SPPL2A: variants seen among roughly 807,000 people sequenced by gnomAD.
The protein encoded by SPPL2A is signal peptide peptidase like 2A, also known as signal peptide peptidase-like 2A.
SPPL2A carries 51 observed loss-of-function variants against 63.8 expected under a neutral mutation model. That is an observed-to-expected ratio of 0.80 (90% confidence interval 0.64 to 1.01). SPPL2A has a LOEUF of 1.01. Among genes scored for constraint, SPPL2A ranks in the 50% least tolerant of loss-of-function variants. SPPL2A has a pLI of 0.00. For synonymous variants in SPPL2A, 188 were observed against 205.8 expected (o/e 0.91, Z 0.74); for missense variants, 553 against 622.7 (o/e 0.89, Z 1.19).
intron 5 of SPPL2A, among the ~76,000 whole-genome samples, chr15:50,746,299 A>G (rs1293568628): frequency 1.3e-5 from 2 of 151,590 alleles, no homozygotes; most frequent in Non-Finnish European, 2.9e-5. Flanking sequence ...TTAGCTGGGC[A>G]TGGTGGTGCG....
chr15:50,712,979 C>T (rs535584759), intron 14 of SPPL2A, among the ~76,000 whole-genome samples: 2 of 152,118 alleles, frequency 1.3e-5, no homozygotes, highest in Admixed American at 6.5e-5. Context: ...CCATCATGTC[C>T]GGCCCCACTA....
At chr15:50,712,653 C>T (rs1219233649) in intron 14 of SPPL2A, among the ~76,000 whole-genome samples, 1 of 146,922 alleles carries the variant, frequency 6.8e-6, no homozygotes, top group Non-Finnish European at 1.5e-5. Flanking sequence ...CCTTCCTTTC[C>T]TCCCTTCCTC....
At chr15:50,738,061 G>A (rs1434061290) in intron 6 of SPPL2A, among the ~76,000 whole-genome samples, 2 of 152,300 alleles carry the variant, frequency 1.3e-5, no homozygotes, top group South Asian at 2.1e-4. Flanking sequence ...GGATGTGCCT[G>A]TAGTCCCAGC....
intron 1 of SPPL2A, among the ~76,000 whole-genome samples, chr15:50,752,960 G>C (rs2062922780): frequency 6.6e-6 from 1 of 151,974 alleles, no homozygotes; most frequent in African/African-American, 2.4e-5. Flanking sequence ...ATCAAAAATT[G>C]TAATACATAG....
rs190289524 is a variant in SPPL2A, at chr15:50,725,191, T to G, written c.1249+30A>C. The G allele has an allele frequency of 3.4e-5, 43 of 1,263,128 alleles. No homozygotes were observed. The East Asian group carries it at 9.9e-4, about 29-fold the overall frequency. 78.2% of individuals were successfully genotyped at this position (1,263,128 alleles called of 1,614,324 possible). On this transcript the variant is annotated intron_variant, in intron 12 of 14. Coordinates refer to ENST00000261854, the MANE Select transcript of SPPL2A (RefSeq NM_032802.4). ...CGATTTAAAATCATCAGTGTTTTTT[T>G]TTTTAACTAAAATTGTTACAATTGC...
chr15:50,709,618 T>G (rs915738667), intron 14 of SPPL2A, among the ~76,000 whole-genome samples: 1 of 151,906 alleles, frequency 6.6e-6, no homozygotes, highest in Non-Finnish European at 1.5e-5. Context: ...GGTGAAACCC[T>G]GTCTCTACTA....
At chr15:50,720,135 A>T (rs1293615402) in intron 13 of SPPL2A, 35 bp from the exon 14 acceptor site, 1 of 1,556,106 alleles carries the variant, frequency 6.4e-7, no homozygotes. Context: ...AGTCATTTCT[A>T]CATGTTACCA....
chr15:50,741,571 G>A (rs1330205620), intron 5 of SPPL2A, among the ~76,000 whole-genome samples: 1 of 151,628 alleles, frequency 6.6e-6, no homozygotes, highest in East Asian at 1.9e-4. Context: ...GTATACATAT[G>A]AGCCATAATA....
At position 50,727,010 on chromosome 15, in the gene SPPL2A, C is replaced by T. The variant is rs557105154; in HGVS notation, c.1090-633G>A. ...CAAAACATTAACCTTAGCTAAATTT[C>T]CCTCCCTTGTGCCTGGATAAAGTCT... On this transcript the variant is annotated intron_variant, in intron 10 of 14. Coordinates refer to ENST00000261854, the MANE Select transcript of SPPL2A (RefSeq NM_032802.4). 6.6e-5 allele frequency among the ~76,000 whole-genome samples: 10 copies of T among 152,276 alleles called. No individual in the cohort carries two copies. In the East Asian group the frequency reaches 1.3e-3, roughly 21 times the overall value.
At chr15:50,751,987 C>T (rs1489401228) in intron 1 of SPPL2A, among the ~76,000 whole-genome samples, 2 of 151,984 alleles carry the variant, frequency 1.3e-5, no homozygotes, top group Non-Finnish European at 2.9e-5. Context: ...CCTGCCACCA[C>T]GCACAGCTAA....
At chr15:50,740,874 C>T (rs528076928) in intron 5 of SPPL2A, among the ~76,000 whole-genome samples, 1 of 152,258 alleles carries the variant, frequency 6.6e-6, no homozygotes, top group Non-Finnish European at 1.5e-5. Flanking sequence ...TCCCAAAATG[C>T]TGGGATTACA....
intron 1 of SPPL2A, 77 bp downstream of exon 1, chr15:50,765,391 T>C (rs2063050348): frequency 8.6e-7 from 1 of 1,158,836 alleles, no homozygotes; most frequent in East Asian, 3.1e-5. Context: ...GGGCGAGGAG[T>C]AGGGGAAGGG....
Position 50,702,788 on chromosome 15 carries a change from T to A in SPPL2A, c.*5012A>T, listed in dbSNP as rs1351527045. ...TATAAAAATTTAGTTTTAAAAATAA[T>A]TTTTCTCCCAATGAACATTTTTATA... On this transcript the variant is annotated 3_prime_UTR_variant, in exon 15 of 15. Coordinates refer to ENST00000261854, the MANE Select transcript of SPPL2A (RefSeq NM_032802.4). 1 of 152,110 alleles carries A rather than the reference T, an allele frequency of 6.6e-6. No homozygotes were observed. Among genetic ancestry groups the A allele is most frequent in the Admixed American group, 6.6e-5 (1 of 15,266 alleles). The allele number at this position is 152,110 out of a possible 1,614,324, so 9.4% of individuals were successfully genotyped here.
chr15:50,726,741 A>C (rs1433294577), intron 10 of SPPL2A, among the ~76,000 whole-genome samples: 1 of 152,188 alleles, frequency 6.6e-6, no homozygotes, highest in Non-Finnish European at 1.5e-5. Context: ...GCCTTATACT[A>C]TATGTTCTTA....
chr15:50,704,973 G>A lies in SPPL2A; in HGVS notation c.*2827C>T, dbSNP rs1303972222. The A allele has an allele frequency of 1.3e-5, 2 of 152,200 alleles. No homozygotes were observed. The highest frequency in any genetic ancestry group is 2.9e-5 in the Non-Finnish European group (2 of 68,042). 9.4% of individuals were successfully genotyped at this position (152,200 alleles called of 1,614,324 possible). A position where few individuals can be genotyped will look rare whatever the true frequency, so the allele number is the denominator to read the frequency against. On this transcript the variant is annotated 3_prime_UTR_variant, in exon 15 of 15. Coordinates refer to ENST00000261854, the MANE Select transcript of SPPL2A (RefSeq NM_032802.4). ...TGGATGTACCAGTTACTATGCTACTGAGGAGATACATCTAGTTGATGAAGT... is the reference window on the plus strand; with the variant it reads ...TGGATGTACCAGTTACTATGCTACTAAGGAGATACATCTAGTTGATGAAGT...
At chr15:50,733,200 CAA>C (rs2062744438) in intron 8 of SPPL2A, among the ~76,000 whole-genome samples, 2 of 152,162 alleles carry the variant, frequency 1.3e-5, no homozygotes, top group African/African-American at 4.8e-5. Flanking sequence ...ATAAAGAAAA[CAA>C]GAGCTATGCA....
chr15:50,755,791 G>A (rs889949672), intron 1 of SPPL2A, among the ~76,000 whole-genome samples: 3 of 151,966 alleles, frequency 2.0e-5, no homozygotes, highest in African/African-American at 7.2e-5. Context: ...TGCTATAGGA[G>A]CAGTGCTTAT....
intron 1 of SPPL2A, among the ~76,000 whole-genome samples, chr15:50,755,665 GA>G (rs2062951939): frequency 8.9e-6 from 1 of 112,754 alleles, no homozygotes; most frequent in African/African-American, 3.7e-5. Context: ...AAGAAGAAAA[GA>G]AAAAAGCAAA....
chr15:50,764,230 G>A (rs1265141555), intron 1 of SPPL2A, among the ~76,000 whole-genome samples: 1 of 152,214 alleles, frequency 6.6e-6, no homozygotes. Context: ...CTAGGTTATA[G>A]TTTTGCATAC....
Sources: allele counts gnomAD v4.1 joint callset (sites outside exome capture counted in the v4.1 genomes callset), GRCh38; gene constraint gnomAD v4.1.1; transcripts MANE v1.5; gene names NCBI Gene and HGNC (gene_info 2026-07-23, HGNC 2026-07-21).